Variants in CRACR2B observed in about 807,000 individuals in gnomAD.
The protein encoded by CRACR2B is EF-hand calcium-binding domain-containing protein 4A.
CRACR2B carries 50 observed loss-of-function variants against 46.0 expected under a neutral mutation model. The ratio of observed to expected loss-of-function variants is 1.09; its 90% CI spans 0.87 to 1.38. The LOEUF (loss-of-function observed/expected upper bound fraction) is 1.38, where lower values mean the gene tolerates loss of function less well. CRACR2B is among the 40% of genes most tolerant of loss of function. The pLI is 0.00. For missense variants in CRACR2B, 667 were observed against 535.0 expected (o/e 1.25, Z -2.43); for synonymous variants, 277 against 239.6 (o/e 1.16, Z -1.44).
rs1250572611 is a variant in CRACR2B, at chr11:831,535, G to A, written c.1026G>A (p.Arg342=). ...VSLLRQLELL[R]ELNTRLRDDR... ...CAGTGTCGGACTCCTCCTTCCCTAG[G>A]GAGCTGAATACACGGCTGCGGGATG... The change falls in exon 9 of 9, where the codon AGG becomes AGA. Residue 342 remains arginine (R), a splice_region_variant and synonymous_variant. Coordinates refer to ENST00000525077, the MANE Select transcript of CRACR2B (RefSeq NM_001286606.2). 6.3e-7 allele frequency: 1 copy of A among 1,587,008 alleles called. No individual in the cohort carries two copies. The highest frequency in any genetic ancestry group is 8.6e-7 in the Non-Finnish European group (1 of 1,169,200).
chr11:830,109 C>G lies in CRACR2B; in HGVS notation c.582C>G (p.Asp194Glu). ...TGGAGGAGGCGGCCCGGGAGCGCGA[C>G]GGCCTGGAGCAGGCGCTGCGGAGGT... The part of the protein sequence containing the change: ...ACLEEAARER[D>E]GLEQALRRRE... Residue 194 changes from aspartate (D) to glutamate (E), a missense_variant, in exon 4 of 9, where the codon GAC becomes GAG. Asp to Glu is a conservative substitution (Grantham distance 45). Coordinates refer to ENST00000525077, the MANE Select transcript of CRACR2B (RefSeq NM_001286606.2). The G allele has an allele frequency of 6.5e-7, 1 of 1,538,346 alleles. No homozygotes were observed. The highest frequency in any genetic ancestry group is 2.4e-5 in the East Asian group (1 of 41,404).
Position 829,344 on chromosome 11 carries a change from C to T in CRACR2B, c.278-16C>T, listed in dbSNP as rs761922699. On this transcript the variant is annotated splice_polypyrimidine_tract_variant and intron_variant, in intron 2 of 8. Coordinates refer to ENST00000525077, the MANE Select transcript of CRACR2B (RefSeq NM_001286606.2). ...GCGACCCACAGCCCTGGTAATCGCT[C>T]GCTCCATGCCCGCAGGGATGTTTGT... 1 of 1,588,842 alleles carries T rather than the reference C, an allele frequency of 6.3e-7. No homozygotes were observed. Among genetic ancestry groups the T allele is most frequent in the Non-Finnish European group, 8.5e-7 (1 of 1,171,184 alleles).
upstream of CRACR2B, among the ~76,000 whole-genome samples, chr11:826,771 C>T (rs1377520904): frequency 6.6e-6 from 1 of 152,204 alleles, no homozygotes; most frequent in African/African-American, 2.4e-5. Context: ...GTGATCTGCC[C>T]CTGTCTCAGC....
chr11:828,667 G>C lies in CRACR2B; in HGVS notation c.60G>C (p.Glu20Asp). 1 of 1,608,764 alleles carries C rather than the reference G, an allele frequency of 6.2e-7. No homozygotes were observed. Among genetic ancestry groups the C allele is most frequent in the Non-Finnish European group, 8.5e-7 (1 of 1,178,574 alleles). The part of the protein sequence containing the change: ...DEAQEEEGEL[E>D]GGSAGPRAAI... Reference sequence around the variant, plus strand: ...CCCAGGAGGAGGAGGGGGAACTCGAGGGGGGCTCTGCAGGGCCGCGGGCTG... The same window carrying C: ...CCCAGGAGGAGGAGGGGGAACTCGACGGGGGCTCTGCAGGGCCGCGGGCTG... Residue 20 changes from glutamate to aspartate, a missense_variant, in exon 1 of 9, where the codon GAG becomes GAC. Coordinates refer to ENST00000525077, the MANE Select transcript of CRACR2B (RefSeq NM_001286606.2).
Position 831,629 on chromosome 11 carries a change from C to T in CRACR2B, c.1120C>T (p.Pro374Ser). 2 of 1,555,498 alleles carry T rather than the reference C, an allele frequency of 1.3e-6. No homozygotes were observed. The highest frequency in any genetic ancestry group is 8.6e-7 in the Non-Finnish European group (1 of 1,158,124). ...GAAGGCTCTGACAACAGCCCGCCTG[C>T]CTGGGCCCACCTGCTGCTGCTGCTG... Reference protein sequence around the residue: ...CRKALTTARLPGPTCCCCCCW... With the variant: ...CRKALTTARLSGPTCCCCCCW... Residue 374 changes from proline to serine, a missense_variant, in exon 9 of 9, where the codon CCT (proline) becomes TCT (serine). Transcript: ENST00000525077.
Position 830,729 on chromosome 11 carries a change from C to T in CRACR2B, c.786+16C>T, listed in dbSNP as rs1846340879. 2 of 1,518,074 alleles carry T rather than the reference C, an allele frequency of 1.3e-6. No individual in the cohort carries two copies. Among genetic ancestry groups the T allele is most frequent in the Middle Eastern group, 2.3e-4 (1 of 4,280 alleles). 94.0% of individuals were successfully genotyped at this position (1,518,074 alleles called of 1,614,324 possible). A position where few individuals can be genotyped will look rare whatever the true frequency, so the allele number is the denominator to read the frequency against. On this transcript the variant is annotated intron_variant, in intron 6 of 8. Transcript: ENST00000525077. The stretch of plus-strand genomic sequence containing the variant: ...GCAGCGGGAGGTGAGCACCCGGCCC[C>T]TGCCCTGTCCCCACGGTCACCCGTG...
intron 3 of CRACR2B, 130 bp downstream of exon 3, chr11:829,670 A>C (rs1366349723): frequency 2.7e-5 from 31 of 1,131,048 alleles, no homozygotes; most frequent in Non-Finnish European, 3.7e-5. Flanking sequence ...GCCTAGCGTC[A>C]GCTGCGATTC....
At position 831,563 on chromosome 11, in the gene CRACR2B, A is replaced by G. The variant is rs750499263; in HGVS notation, c.1054A>G (p.Arg352Gly). 3 of 1,597,948 alleles carry G rather than the reference A, an allele frequency of 1.9e-6. No individual in the cohort carries two copies. The highest frequency in any genetic ancestry group is 1.1e-5 in the South Asian group (1 of 89,588). ...GCTGAATACACGGCTGCGGGATGACAGGGACGCCTGCGAGGCCAGGCGGGC... is the reference window on the plus strand; with the variant it reads ...GCTGAATACACGGCTGCGGGATGACGGGGACGCCTGCGAGGCCAGGCGGGC... The part of the protein sequence containing the change: ...RELNTRLRDD[R>G]DACEARRAGS... Residue 352 changes from arginine to glycine, a missense_variant, in exon 9 of 9, where the codon AGG becomes GGG. By Grantham distance (125) the Arg-to-Gly change is moderately radical. Transcript: ENST00000525077.
At position 828,358 on chromosome 11, in the gene CRACR2B, C is replaced by T. The variant is rs2133883240; in HGVS notation, c.-250C>T. ...GTTCCAGCCTCCTGAGATGCCAGAC[C>T]CACTGGGGCAGTACCCACAGGCCCT... On this transcript the variant is annotated 5_prime_UTR_variant, in exon 1 of 9. Coordinates refer to ENST00000525077, the MANE Select transcript of CRACR2B (RefSeq NM_001286606.2). 2.1e-6 allele frequency: 1 copy of T among 478,302 alleles called. No individual in the cohort carries two copies. The highest frequency in any genetic ancestry group is 4.1e-5 in the Admixed American group (1 of 24,366). The allele number at this position is 478,302 out of a possible 1,614,324, so 29.6% of individuals were successfully genotyped here.
Position 831,812 on chromosome 11 carries a change from G to T in CRACR2B, c.*103G>T. On this transcript the variant is annotated 3_prime_UTR_variant, in exon 9 of 9. Transcript: ENST00000525077. ...TCAGGATGCAGGCTCTCCCCAGTGG[G>T]CCCCAGGCTCGCCTGACTGAAGACA... 7.3e-7 allele frequency: 1 copy of T among 1,365,246 alleles called. No homozygotes were observed. Among genetic ancestry groups the T allele is most frequent in the Non-Finnish European group, 9.5e-7 (1 of 1,048,222 alleles). The allele number at this position is 1,365,246 out of a possible 1,614,324, so 84.6% of individuals were successfully genotyped here.
At chr11:829,843 C>A in intron 3 of CRACR2B, 143 bp from the exon 4 acceptor site, 1 of 1,407,332 alleles carries the variant, frequency 7.1e-7, no homozygotes, top group Non-Finnish European at 9.3e-7. Context: ...GGCGAAAGCG[C>A]TCACGGGAGG....
chr11:829,617 G>A, intron 3 of CRACR2B, 77 bp downstream of exon 3: 1 of 1,411,786 alleles, frequency 7.1e-7, no homozygotes, highest in Non-Finnish European at 9.4e-7. Flanking sequence ...CTTGTCACCC[G>A]AGTGCTGGTT....
At position 829,764 on chromosome 11, in the gene CRACR2B, C is replaced by T. The variant is rs148474428; in HGVS notation, c.459-222C>T. The T allele has an allele frequency of 1.6e-3, 1,709 of 1,046,878 alleles. 8 individuals carry two copies. Among genetic ancestry groups the T allele is most frequent in the Non-Finnish European group, 2.1e-3 (1,573 of 753,020 alleles). The allele number at this position is 1,046,878 out of a possible 1,614,324, so 64.8% of individuals were successfully genotyped here. ...GGGCTGCAGGGAGGAGGGGCAGCGC[C>T]GGGCGCGGGGCCACATACCGGCACT... On this transcript the variant is annotated intron_variant, in intron 3 of 8. Coordinates refer to ENST00000525077, the MANE Select transcript of CRACR2B (RefSeq NM_001286606.2).
At position 831,262 on chromosome 11, in the gene CRACR2B, A is replaced by G. The variant is rs1413241165; in HGVS notation, c.992A>G (p.Lys331Arg). Residue 331 changes from lysine (K) to arginine (R), a missense_variant, in exon 8 of 9, where the codon AAA (lysine) becomes AGA (arginine). Lys to Arg is a conservative substitution (Grantham distance 26). Coordinates refer to ENST00000525077, the MANE Select transcript of CRACR2B (RefSeq NM_001286606.2). ...GTCTCCAGGAACATGCAGAAAGAGA[A>G]AGTCAGCCTGCTACGGCAACTGGAG... ...VAVSRNMQKE[K>R]VSLLRQLELL... The G allele has an allele frequency of 6.2e-7, 1 of 1,611,148 alleles. No individual in the cohort carries two copies. Among genetic ancestry groups the G allele is most frequent in the Non-Finnish European group, 8.5e-7 (1 of 1,179,384 alleles).
In CRACR2B at chr11:831,636, C is replaced by T; in HGVS notation, c.1127C>T (p.Pro376Leu). Reference sequence around the variant, plus strand: ...CTGACAACAGCCCGCCTGCCTGGGCCCACCTGCTGCTGCTGCTGTTGCTGG... The same window carrying T: ...CTGACAACAGCCCGCCTGCCTGGGCTCACCTGCTGCTGCTGCTGTTGCTGG... ...KALTTARLPG[P>L]TCCCCCCWAR... The change falls in exon 9 of 9, where the codon CCC becomes CTC. Residue 376 changes from proline to leucine, a missense_variant. Pro to Leu is a moderately conservative substitution (Grantham distance 98). Transcript: ENST00000525077. The T allele has an allele frequency of 1.3e-6, 2 of 1,554,736 alleles. No homozygotes were observed. The highest frequency in any genetic ancestry group is 4.4e-5 in the Admixed American group (2 of 45,888).
Position 828,518 on chromosome 11 carries a change from C to G in CRACR2B, c.-90C>G, listed in dbSNP as rs1846079900. The G allele has an allele frequency of 1.4e-6, 2 of 1,432,160 alleles. No homozygotes were observed. The highest frequency in any genetic ancestry group is 1.8e-6 in the Non-Finnish European group (2 of 1,090,762). The allele number at this position is 1,432,160 out of a possible 1,614,324, so 88.7% of individuals were successfully genotyped here. On this transcript the variant is annotated 5_prime_UTR_variant, in exon 1 of 9. Transcript: ENST00000525077. ...GCCCTCGGCTGAGCCTTCAGACACA[C>G]TTGCACCCCATCCGCTCCCCTCCTG...
chr11:826,197 C>T (rs1489795396), upstream of CRACR2B: 1 of 152,440 alleles, frequency 6.6e-6, no homozygotes, highest in Admixed American at 6.5e-5. Context: ...ATCCCAGGCC[C>T]CTTCCTTGAA....
At chr11:829,188 G>C (rs563265389) in intron 2 of CRACR2B, 172 bp from the exon 3 acceptor site, 1 of 1,371,754 alleles carries the variant, frequency 7.3e-7, no homozygotes. Flanking sequence ...GCTCCGGTAG[G>C]GCTGGGAGCT....
Position 830,671 on chromosome 11 carries a change from C to T in CRACR2B, c.744C>T (p.Ser248=), listed in dbSNP as rs1418154253. The T allele has an allele frequency of 1.9e-6, 3 of 1,546,016 alleles. No homozygotes were observed. Among genetic ancestry groups the T allele is most frequent in the Non-Finnish European group, 2.6e-6 (3 of 1,145,828 alleles). ...GCCGTCTGGAGCTGGAGCTGCAGAG[C>T]CGCGAGCAGGACCTGGAACGCGCGG... The part of the protein sequence containing the change: ...RRSRLELELQ[S]REQDLERAGL... The change falls in exon 6 of 9, where the codon AGC becomes AGT. Residue 248 remains serine, a synonymous_variant. Transcript: ENST00000525077.
Sources: allele counts gnomAD v4.1 joint callset (sites outside exome capture counted in the v4.1 genomes callset), GRCh38; gene constraint gnomAD v4.1.1; transcripts MANE v1.5; gene names NCBI Gene and HGNC (gene_info 2026-07-23, HGNC 2026-07-21).